CHRDL1: variants seen among roughly 807,000 people sequenced by gnomAD.
The protein encoded by CHRDL1 is chordin-like protein 1.
In CHRDL1, 19 loss-of-function variants were observed where a neutral mutation model predicts 40.9. The ratio of observed to expected loss-of-function variants is 0.46; its 90% CI spans 0.32 to 0.68. CHRDL1 has a LOEUF of 0.68. Ranked by LOEUF, CHRDL1 falls within the 30% of genes least tolerant of loss-of-function variation. The pLI is 0.03. For synonymous variants in CHRDL1, 136 were observed against 123.4 expected (o/e 1.10, Z -0.68); for missense variants, 329 against 352.1 (o/e 0.93, Z 0.53).
intron 2 of CHRDL1, among the ~76,000 whole-genome samples, chrX:110,780,211 C>T (rs370631103): frequency 9.1e-6 from 1 of 110,362 alleles, no homozygotes; most frequent in East Asian, 2.8e-4. Context: ...TGTTGATTTT[C>T]AGTTCATTCA....
At position 110,683,801 on chromosome X, in the gene CHRDL1, G is replaced by C. The variant is rs183335085; in HGVS notation, c.989-2152C>G. 7.1e-3 allele frequency among the ~76,000 whole-genome samples: 795 copies of C among 111,481 alleles called. 3 individuals carry two copies. Among genetic ancestry groups the C allele is most frequent in the Non-Finnish European group, 9.5e-3 (505 of 53,109 alleles). On this transcript the variant is annotated intron_variant, in intron 9 of 11. Coordinates refer to ENST00000372042, the MANE Select transcript of CHRDL1 (RefSeq NM_001143981.2). ...GATAGAGGCCTTGAGTTTTGGGTTAGATGAAGGTTGCCAGGTCGTTAAGGG... is the reference window on the plus strand; with the variant it reads ...GATAGAGGCCTTGAGTTTTGGGTTACATGAAGGTTGCCAGGTCGTTAAGGG...
At chrX:110,717,826 C>T (rs764683315) in intron 6 of CHRDL1, among the ~76,000 whole-genome samples, 21 of 111,682 alleles carry the variant, frequency 1.9e-4, no homozygotes, top group South Asian at 1.1e-3. Context: ...ATAGAAGTCA[C>T]CTACACATCC....
intron 2 of CHRDL1, among the ~76,000 whole-genome samples, chrX:110,775,209 T>C (rs2089833250): frequency 8.9e-6 from 1 of 111,989 alleles, no homozygotes; most frequent in African/African-American, 3.2e-5. Context: ...TAACAAATTA[T>C]GCTGTTTCAA....
chrX:110,698,466 C>T (rs1439542412), intron 7 of CHRDL1, among the ~76,000 whole-genome samples: 1 of 111,840 alleles, frequency 8.9e-6, no homozygotes, highest in African/African-American at 3.3e-5. Flanking sequence ...AATCATATCC[C>T]ACAATATCTA....
chrX:110,789,907 T>G (rs1297805572), intron 2 of CHRDL1, among the ~76,000 whole-genome samples: 4 of 111,820 alleles, frequency 3.6e-5, no homozygotes, highest in Non-Finnish European at 1.9e-5. Flanking sequence ...AACAAGCATT[T>G]CCCAGGGCCA....
chrX:110,722,346 C>A (rs59561265), intron 4 of CHRDL1, among the ~76,000 whole-genome samples: 2,532 of 110,295 alleles, frequency 0.023, 75 homozygotes, highest in African/African-American at 0.078. Flanking sequence ...GTTCCAGCCT[C>A]TGTGGTTTTG....
At chrX:110,739,355 G>A (rs899854742) in intron 4 of CHRDL1, among the ~76,000 whole-genome samples, 1 of 111,911 alleles carries the variant, frequency 8.9e-6, no homozygotes, top group Non-Finnish European at 1.9e-5. Flanking sequence ...CCATAGTCTC[G>A]CCTGCAGTTA....
chrX:110,791,140 G>A (rs1008269851), intron 2 of CHRDL1, among the ~76,000 whole-genome samples: 7 of 110,965 alleles, frequency 6.3e-5, no homozygotes. Context: ...TTCAGATGCT[G>A]CTTCAGTTCC....
chrX:110,771,114 C>G (rs967854643), intron 2 of CHRDL1, among the ~76,000 whole-genome samples: 8 of 104,007 alleles, frequency 7.7e-5, no homozygotes, highest in Non-Finnish European at 1.6e-4. Flanking sequence ...CATTGCACTC[C>G]AGCCTGGGTA....
chrX:110,697,285 A>G (rs2070405985), intron 7 of CHRDL1, among the ~76,000 whole-genome samples: 1 of 110,243 alleles, frequency 9.1e-6, no homozygotes, highest in Admixed American at 9.7e-5. Flanking sequence ...AGTCTAAAAT[A>G]TAAGAGTTTT....
chrX:110,751,697 T>C (rs961827480), intron 4 of CHRDL1, among the ~76,000 whole-genome samples: 10 of 111,901 alleles, frequency 8.9e-5, no homozygotes, highest in African/African-American at 3.3e-4. Flanking sequence ...ACAGCTACTA[T>C]GGAAAACAGT....
Position 110,690,054 on chromosome X carries a change from T to TA in CHRDL1, c.779-1252_779-1251insT, listed in dbSNP as rs1431756475. 7.9e-5 allele frequency among the ~76,000 whole-genome samples: 3 copies of TA among 37,930 alleles called. 1 individual carries two copies. The highest frequency in any genetic ancestry group is 3.1e-4 in the East Asian group (1 of 3,197). 32.9% of individuals were successfully genotyped at this position (37,930 alleles called of 115,157 possible). A position where few individuals can be genotyped will look rare whatever the true frequency, so the allele number is the denominator to read the frequency against. On this transcript the variant is annotated intron_variant, in intron 8 of 11. Transcript: ENST00000372042. The stretch of plus-strand genomic sequence containing the variant: ...CTATATATATCTATATATATATATA[T>TA]TTTTTTTTTGAGATGGAGTCTCGCT...
At chrX:110,679,013 C>A (rs2069839378) in intron 11 of CHRDL1, among the ~76,000 whole-genome samples, 1 of 111,700 alleles carries the variant, frequency 9.0e-6, no homozygotes, top group Non-Finnish European at 1.9e-5. Context: ...ATATACCAGA[C>A]CTGGAATCTT....
intron 2 of CHRDL1, among the ~76,000 whole-genome samples, chrX:110,764,609 A>T (rs1475177535): frequency 8.9e-6 from 1 of 111,863 alleles, no homozygotes; most frequent in Non-Finnish European, 1.9e-5. Context: ...GAACAGAATA[A>T]CAGCAATTTT....
At chrX:110,721,236 G>T in intron 5 of CHRDL1, 149 bp downstream of exon 5, 1 of 578,465 alleles carries the variant, frequency 1.7e-6, no homozygotes, top group Non-Finnish European at 2.9e-6. Context: ...AGATCAGGGA[G>T]TTTGGATTGT....
Position 110,681,600 on chromosome X carries a change from T to C in CHRDL1, c.1038A>G (p.Glu346=). Residue 346 remains glutamate, a synonymous_variant, in exon 10 of 12, where the codon GAA becomes GAG. Transcript: ENST00000372042. Reference sequence around the variant, plus strand: ...CAGACTCATACACAGGCATCGTTTCTTCCCCGCAGAAGTAGCCTTTATTGT... The same window carrying C: ...CAGACTCATACACAGGCATCGTTTCCTCCCCGCAGAAGTAGCCTTTATTGT... ...SFDNKGYFCG[E]ETMPVYESVF... The C allele has an allele frequency of 5.0e-6, 6 of 1,207,710 alleles. No homozygotes were observed. Among genetic ancestry groups the C allele is most frequent in the Non-Finnish European group, 6.7e-6 (6 of 891,962 alleles).
intron 7 of CHRDL1, among the ~76,000 whole-genome samples, chrX:110,697,792 C>T (rs948695628): frequency 2.0e-5 from 2 of 99,661 alleles, no homozygotes; most frequent in South Asian, 1.1e-3. Flanking sequence ...CCTACTTCTT[C>T]CTCCCCACAT....
chrX:110,757,304 A>C (rs2148503938), intron 4 of CHRDL1, among the ~76,000 whole-genome samples: 1 of 111,091 alleles, frequency 9.0e-6, no homozygotes, highest in East Asian at 2.8e-4. Flanking sequence ...TGTGCTGAGC[A>C]GGCTGAAGAG....
intron 6 of CHRDL1, among the ~76,000 whole-genome samples, chrX:110,706,877 G>C (rs2070650404): frequency 8.9e-6 from 1 of 112,511 alleles, no homozygotes; most frequent in Non-Finnish European, 1.9e-5. Flanking sequence ...ATAAGGCAAA[G>C]GGACATGAGA....
Sources: allele counts gnomAD v4.1 joint callset (sites outside exome capture counted in the v4.1 genomes callset), GRCh38; gene constraint gnomAD v4.1.1; transcripts MANE v1.5; gene names NCBI Gene and HGNC (gene_info 2026-07-23, HGNC 2026-07-21).